Variants in NT5DC4 observed in about 807,000 individuals in gnomAD.
NT5DC4 encodes the protein 5'-nucleotidase domain containing 4, also known as 5'-nucleotidase domain-containing protein 4.
A neutral mutation model predicts 26.6 loss-of-function variants in NT5DC4; 44 were observed. That is an observed-to-expected ratio of 1.65 (90% confidence interval 1.30 to 2.13). NT5DC4 has a LOEUF of 2.13. Among genes scored for constraint, NT5DC4 ranks in the 30% most tolerant of loss-of-function variants. The probability of loss-of-function intolerance (pLI) is 0.00; values close to 1 mark genes in which losing one functional copy is unlikely to be tolerated. For synonymous variants in NT5DC4, 157 were observed against 86.7 expected, an observed-to-expected ratio of 1.81 and a Z score of -4.51; for missense variants, 399 against 228.1, an observed-to-expected ratio of 1.75 and a Z score of -4.83.
At chr2:112,722,160 G>A in intron 3 of NT5DC4, 23 bp from the exon 4 acceptor site, 2 of 582,262 alleles carry the variant, frequency 3.4e-6, no homozygotes, top group Non-Finnish European at 6.3e-6. Flanking sequence ...CACCCACAGT[G>A]CCCCCCGACC....
At chr2:112,728,495 AC>A (rs1678046119) in intron 15 of NT5DC4, among the ~76,000 whole-genome samples, 1 of 152,130 alleles carries the variant, frequency 6.6e-6, no homozygotes, top group South Asian at 2.1e-4. Flanking sequence ...CTTCCCTGGA[AC>A]CTGCACGTGT....
chr2:112,723,343 A>G (rs1034147795), intron 7 of NT5DC4, 75 bp from the exon 8 acceptor site: 22 of 684,706 alleles, frequency 3.2e-5, no homozygotes, highest in African/African-American at 5.6e-5. Flanking sequence ...GGACACAGAC[A>G]TGTGGGTGGG....
rs1413334977 is a variant in NT5DC4 at position 112,722,200 on chromosome 2, A to C, written c.284A>C (p.Glu95Ala). 8 of 716,960 alleles carry C rather than the reference A, an allele frequency of 1.1e-5. No individual in the cohort carries two copies. The highest frequency in any genetic ancestry group is 5.4e-5 in the East Asian group (2 of 37,272). The allele number at this position is 716,960 out of a possible 1,614,324, so 44.4% of individuals were successfully genotyped here. Residue 95 changes from glutamate (E) to alanine (A), a missense_variant, in exon 4 of 17, where the codon GAA becomes GCA. Physicochemically the swap from Glu to Ala is moderately radical, Grantham distance 107. Coordinates refer to ENST00000688554, the MANE Select transcript of NT5DC4 (RefSeq NM_001393655.1). ...GTCTGCAGGCGGCTGGTGTTCGATG[A>C]ACTCTATGGGAACCTGCTGAAGGTG... ...TFPTRRLVFD[E>A]LYGNLLKVDA...
In NT5DC4 at chr2:112,734,932, T is replaced by G. The variant is rs964424923; in HGVS notation, c.1345-3981T>G. 2.6e-5 allele frequency among the ~76,000 whole-genome samples: 4 copies of G among 151,892 alleles called. 1 individual carries two copies. In the South Asian group the frequency reaches 8.3e-4, roughly 31 times the overall value. On this transcript the variant is annotated intron_variant, in intron 16 of 16. Transcript: ENST00000688554. The stretch of plus-strand genomic sequence containing the variant: ...CTTGAACTCTTGGCCTCAAGTGATC[T>G]GCTCACCTCGGCCTCCCAAAGTGCT...
Position 112,722,562 on chromosome 2 carries a change from A to G in NT5DC4, c.442A>G (p.Ile148Val). 1.4e-6 allele frequency: 1 copy of G among 717,384 alleles called. No homozygotes were observed. The highest frequency in any genetic ancestry group is 2.6e-6 in the Non-Finnish European group (1 of 385,054). 44.4% of individuals were successfully genotyped at this position (717,384 alleles called of 1,614,324 possible). A position where few individuals can be genotyped will look rare whatever the true frequency, so the allele number is the denominator to read the frequency against. ...IQRDDLQCFY[I>V]LNMLFNLPET... ...GAGGGACGACCTGCAGTGTTTCTAC[A>G]TACTCAACATGCTCTTCAACCTGCC... is the stretch of plus-strand genomic sequence containing the variant. The change falls in exon 5 of 17, where the codon ATA becomes GTA. Residue 148 changes from isoleucine to valine, a missense_variant. Coordinates refer to ENST00000688554, the MANE Select transcript of NT5DC4 (RefSeq NM_001393655.1).
chr2:112,734,216 T>C (rs1159664642), intron 16 of NT5DC4, among the ~76,000 whole-genome samples: 1 of 147,088 alleles, frequency 6.8e-6, no homozygotes, highest in Non-Finnish European at 1.5e-5. Flanking sequence ...TTAGTCAGGA[T>C]TTTTTCTTTA....
rs1425756163 is a variant in NT5DC4, at chr2:112,722,068, C to A, written c.231C>A (p.Ile77=). 1.4e-6 allele frequency: 1 copy of A among 717,142 alleles called. No homozygotes were observed. Among genetic ancestry groups the A allele is most frequent in the Non-Finnish European group, 2.6e-6 (1 of 385,098 alleles). The allele number at this position is 717,142 out of a possible 1,614,324, so 44.4% of individuals were successfully genotyped here. Residue 77 remains isoleucine (I), a synonymous_variant, in exon 3 of 17, where the codon ATC becomes ATA. Transcript: ENST00000688554. ...RLVCIGYPHE[I]LRYTYDPTFP... ...TGTGCATTGGGTACCCGCATGAGAT[C>A]CTGCGCTACACCTACGACCCCACCT... is the stretch of plus-strand genomic sequence containing the variant.
At chr2:112,742,565 G>A (rs1680045968), downstream of NT5DC4, 6 of 709,230 alleles carry the variant, frequency 8.5e-6, no homozygotes. Flanking sequence ...TGATGACAAT[G>A]GCTGAAAGGG....
chr2:112,726,406 T>C (rs996498521), intron 14 of NT5DC4, 117 bp downstream of exon 14: 2 of 686,446 alleles, frequency 2.9e-6, no homozygotes, highest in Non-Finnish European at 5.4e-6. Context: ...CATCAAGATC[T>C]GTTTCAGGCT....
chr2:112,726,574 C>T (rs1677746469), intron 14 of NT5DC4, 104 bp from the exon 15 acceptor site: 10 of 707,156 alleles, frequency 1.4e-5, no homozygotes, highest in Non-Finnish European at 2.4e-5. Flanking sequence ...ACTGGATGCC[C>T]GCACGGTGTC....
chr2:112,738,536 A>C, intron 16 of NT5DC4: 1 of 343,632 alleles, frequency 2.9e-6, no homozygotes, highest in East Asian at 6.1e-5. Flanking sequence ...TGTTGGGATT[A>C]AAGTAGATCA....
At chr2:112,741,792 C>T (rs1434429244), downstream of NT5DC4, among the ~76,000 whole-genome samples, 1 of 152,050 alleles carries the variant, frequency 6.6e-6, no homozygotes, top group African/African-American at 2.4e-5. Context: ...TGGAGTTTCG[C>T]TCTTGTTGTC....
intron 7 of NT5DC4, 79 bp from the exon 8 acceptor site, chr2:112,723,339 A>G: frequency 1.3e-5 from 9 of 668,172 alleles, no homozygotes; most frequent in South Asian, 1.1e-4. Flanking sequence ...TCTTGGACAC[A>G]GACATGTGGG....
intron 4 of NT5DC4, 90 bp from the exon 5 acceptor site, chr2:112,722,393 A>T: frequency 1.4e-6 from 1 of 713,586 alleles, no homozygotes. Context: ...GAGGCTCAGC[A>T]CAGAAGGGAT....
rs1679617387 is a variant in NT5DC4, at chr2:112,738,922, A to G, written c.1354A>G (p.Arg452Gly). The G allele has an allele frequency of 1.2e-6, 2 of 1,614,176 alleles. No individual in the cohort carries two copies. Residue 452 changes from arginine to glycine, a missense_variant, in exon 17 of 17, where the codon AGA becomes GGA. Coordinates refer to ENST00000688554, the MANE Select transcript of NT5DC4 (RefSeq NM_001393655.1). The part of the protein sequence containing the change: ...LLSCNQRFIK[R>G]SHY ...CTTCCACTTCTAACAGTTCATCAAGAGAAGCCACTACTAAATCGTGTTCCT... is the reference window on the plus strand; with the variant it reads ...CTTCCACTTCTAACAGTTCATCAAGGGAAGCCACTACTAAATCGTGTTCCT...
chr2:112,740,763 G>T, downstream of NT5DC4: 2 of 1,431,248 alleles, frequency 1.4e-6, no homozygotes, highest in South Asian at 1.3e-5. Context: ...GAAAAATCGA[G>T]ACTTGGACTA....
chr2:112,721,492 A>G, intron 1 of NT5DC4: 2 of 717,932 alleles, frequency 2.8e-6, no homozygotes, highest in Non-Finnish European at 5.2e-6. Flanking sequence ...CAACCCTCAC[A>G]CCAACAACTG....
chr2:112,723,739 G>A lies in NT5DC4; in HGVS notation c.693G>A (p.Leu231=), dbSNP rs1397269213. 2 of 717,248 alleles carry A rather than the reference G, an allele frequency of 2.8e-6. No individual in the cohort carries two copies. The highest frequency in any genetic ancestry group is 5.4e-5 in the East Asian group (2 of 37,278). 44.4% of individuals were successfully genotyped at this position (717,248 alleles called of 1,614,324 possible). A position where few individuals can be genotyped will look rare whatever the true frequency, so the allele number is the denominator to read the frequency against. Residue 231 remains leucine, a synonymous_variant, in exon 9 of 17, where the codon CTG becomes CTA. Transcript: ENST00000688554. ...VKKDPRLPIL[L]GKMKEVGKVF... is the part of the protein sequence containing the mutation. ...CCCAGCCACGCCTCCCCATCCTGCT[G>A]GGGAAGATGAAGGAGGTTGGGAAAG...
intron 14 of NT5DC4, 34 bp downstream of exon 14, chr2:112,726,323 G>T (rs1418855234): frequency 9.8e-6 from 7 of 717,134 alleles, no homozygotes; most frequent in Admixed American, 4.0e-5. Context: ...GTGGGATGGG[G>T]CAGGGAGAGG....
Sources: allele counts gnomAD v4.1 joint callset (sites outside exome capture counted in the v4.1 genomes callset), GRCh38; gene constraint gnomAD v4.1.1; transcripts MANE v1.5; gene names NCBI Gene and HGNC (gene_info 2026-07-23, HGNC 2026-07-21).